The following MIS18A variants were observed in gnomAD, a reference collection of about 807,000 sequenced individuals.
MIS18A encodes the protein protein Mis18-alpha.
MIS18A carries 14 observed loss-of-function variants against 25.0 expected under a neutral mutation model. That is an observed-to-expected ratio of 0.56 (90% CI 0.37 to 0.88). The LOEUF (loss-of-function observed/expected upper bound fraction) is 0.88, where lower values mean the gene tolerates loss of function less well. Ranked by LOEUF, MIS18A falls within the 40% of genes least tolerant of loss-of-function variation. MIS18A has a pLI of 0.00. For synonymous variants in MIS18A, 134 were observed against 118.6 expected (o/e 1.13, Z -0.84); for missense variants, 292 against 290.8 (o/e 1.00, Z -0.03).
chr21:32,166,186 A>G, the MIS18A span, among the ~76,000 whole-genome samples: 91,108 of 152,056 alleles, frequency 0.6, 27,879 homozygotes, highest in East Asian at 0.69. Flanking sequence ...ACATGCTTCT[A>G]TGCATTTTCA....
chr21:32,278,754 G>A lies in MIS18A; in HGVS notation c.261C>T (p.Gly87=), dbSNP rs577362801. The A allele has an allele frequency of 6.3e-7, 1 of 1,577,880 alleles. No individual in the cohort carries two copies. Among genetic ancestry groups the A allele is most frequent in the Non-Finnish European group, 8.6e-7 (1 of 1,167,886 alleles). The change falls in exon 1 of 5, where the codon GGC becomes GGT. Residue 87 remains glycine, a synonymous_variant. Transcript: ENST00000290130. ...EERPLVFLCS[G]CRRPLGDSLS... Reference sequence around the variant, plus strand: ...GCGAGTCGCCCAGCGGCCGCCGGCAGCCGGAGCACAGGAACACCAGCGGCC... The same window carrying A: ...GCGAGTCGCCCAGCGGCCGCCGGCAACCGGAGCACAGGAACACCAGCGGCC...
the MIS18A span, among the ~76,000 whole-genome samples, chr21:32,241,820 A>G: frequency 6.6e-6 from 1 of 152,250 alleles, no homozygotes; most frequent in South Asian, 2.1e-4. Context: ...GAAGACTCAA[A>G]GAAATTCTTC....
the MIS18A span, among the ~76,000 whole-genome samples, chr21:32,163,564 G>C: frequency 6.6e-6 from 1 of 152,122 alleles, no homozygotes; most frequent in African/African-American, 2.4e-5. Context: ...CCTGCCCTTT[G>C]ACACAGGAGC....
At chr21:32,246,466 G>T in the MIS18A span, among the ~76,000 whole-genome samples, 1 of 152,108 alleles carries the variant, frequency 6.6e-6, no homozygotes, top group African/African-American at 2.4e-5. Flanking sequence ...CTTGGTTTAG[G>T]AGTCTGGCAG....
At chr21:32,246,385 C>A in the MIS18A span, among the ~76,000 whole-genome samples, 1 of 152,258 alleles carries the variant, frequency 6.6e-6, no homozygotes, top group East Asian at 1.9e-4. Context: ...TCTTCCCTGG[C>A]CTCTGAGTCT....
At chr21:32,278,137 G>A (rs1158609331) in intron 1 of MIS18A, 1 of 152,826 alleles carries the variant, frequency 6.5e-6, no homozygotes, top group Non-Finnish European at 1.5e-5. Context: ...GCCTTCTTCT[G>A]AACTCTTTTG....
At chr21:32,195,596 C>T in the MIS18A span, among the ~76,000 whole-genome samples, 1 of 152,196 alleles carries the variant, frequency 6.6e-6, no homozygotes, top group Admixed American at 6.5e-5. Flanking sequence ...AACTTTCTGA[C>T]AAATTTCTTA....
chr21:32,255,055 CT>C, the MIS18A span, among the ~76,000 whole-genome samples: 5 of 152,078 alleles, frequency 3.3e-5, no homozygotes, highest in African/African-American at 9.7e-5. Context: ...GCAAGCTGTC[CT>C]TTTTATAATT....
the MIS18A span, among the ~76,000 whole-genome samples, chr21:32,196,773 A>T: frequency 6.6e-6 from 1 of 152,218 alleles, no homozygotes; most frequent in African/African-American, 2.4e-5. Context: ...TCTTATAATA[A>T]ATTCCCTTAG....
chr21:32,189,939 G>A, the MIS18A span, among the ~76,000 whole-genome samples: 1 of 152,162 alleles, frequency 6.6e-6, no homozygotes, highest in African/African-American at 2.4e-5. Flanking sequence ...GCCCTGAGCA[G>A]TTACCCAACA....
the MIS18A span, among the ~76,000 whole-genome samples, chr21:32,248,418 T>A: frequency 2.4e-4 from 37 of 152,298 alleles, 1 homozygote; most frequent in South Asian, 7.5e-3. Context: ...CTACACTTCT[T>A]CCTTATCCCC....
At position 32,278,899 on chromosome 21, in the gene MIS18A, G is replaced by A. The variant is rs754163864; in HGVS notation, c.116C>T (p.Ser39Leu). Residue 39 changes from serine (S) to leucine (L), a missense_variant, in exon 1 of 5, where the codon TCG (serine) becomes TTG (leucine). By Grantham distance (145) the Ser-to-Leu change is moderately radical. Coordinates refer to ENST00000290130, the MANE Select transcript of MIS18A (RefSeq NM_018944.3). ...SLLGKRLSEDSSRHQLLQKWA... is the reference protein window; with the variant it reads ...SLLGKRLSEDLSRHQLLQKWA... ...CTTCTGCAACAGCTGGTGGCGGCTC[G>A]AGTCTTCGGAGAGTCTCTTGCCCAA... 1.2e-6 allele frequency: 2 copies of A among 1,613,314 alleles called. No individual in the cohort carries two copies. Among genetic ancestry groups the A allele is most frequent in the African/African-American group, 1.3e-5 (1 of 74,950 alleles).
intron 4 of MIS18A, 26 bp from the exon 5 acceptor site, chr21:32,269,143 T>C: frequency 6.8e-7 from 1 of 1,478,412 alleles, no homozygotes. Context: ...AATAAAAAAA[T>C]AAAGAAACAC....
chr21:32,269,885 A>C (rs181869231), intron 3 of MIS18A, 82 bp from the exon 4 acceptor site: 1 of 857,726 alleles, frequency 1.2e-6, no homozygotes, highest in East Asian at 2.5e-5. Context: ...GCTGAGACAG[A>C]AGGATCATCT....
chr21:32,239,594 A>C, the MIS18A span, among the ~76,000 whole-genome samples: 1 of 152,218 alleles, frequency 6.6e-6, no homozygotes, highest in African/African-American at 2.4e-5. Flanking sequence ...CGAAGGTGCC[A>C]TCGCAACCAG....
chr21:32,162,165 C>T, the MIS18A span, among the ~76,000 whole-genome samples: 195 of 152,270 alleles, frequency 1.3e-3, 1 homozygote, highest in Non-Finnish European at 1.6e-3. Context: ...TCTAGAGTTT[C>T]TGCCCACACC....
the MIS18A span, among the ~76,000 whole-genome samples, chr21:32,156,953 G>A: frequency 6.6e-6 from 1 of 151,888 alleles, no homozygotes; most frequent in Middle Eastern, 3.2e-3. Context: ...ACTTCACTTG[G>A]TATTTTATAG....
chr21:32,221,459 T>G, the MIS18A span, among the ~76,000 whole-genome samples: 1 of 152,084 alleles, frequency 6.6e-6, no homozygotes, highest in African/African-American at 2.4e-5. Context: ...CAGGCCTGCC[T>G]TACCAGAGCT....
At chr21:32,156,824 C>T in the MIS18A span, among the ~76,000 whole-genome samples, 3 of 152,010 alleles carry the variant, frequency 2.0e-5, no homozygotes, top group Non-Finnish European at 4.4e-5. Context: ...AAGAGACCCC[C>T]TTAACCCCCA....
Sources: allele counts gnomAD v4.1 joint callset (sites outside exome capture counted in the v4.1 genomes callset), GRCh38; gene constraint gnomAD v4.1.1; transcripts MANE v1.5; gene names NCBI Gene and HGNC (gene_info 2026-07-23, HGNC 2026-07-21).